Variants in CYTH1 observed in about 807,000 individuals in gnomAD.
CYTH1 encodes cytohesin 1, also known as cytohesin-1.
CYTH1 carries 18 observed loss-of-function variants against 61.8 expected under a neutral mutation model. The observed-to-expected ratio is 0.29, with a 90% CI of 0.20 to 0.43. The LOEUF (loss-of-function observed/expected upper bound fraction) is 0.43, where lower values mean the gene tolerates loss of function less well. CYTH1 is among the 20% of genes least tolerant of loss of function. CYTH1 has a pLI of 1.00. For missense variants in CYTH1, 336 were observed against 510.5 expected (o/e 0.66, Z 3.29); for synonymous variants, 174 against 184.3 (o/e 0.94, Z 0.45).
At chr17:78,781,728 C>A (rs1352301555) in intron 1 of CYTH1, among the ~76,000 whole-genome samples, 1 of 152,038 alleles carries the variant, frequency 6.6e-6, no homozygotes, top group Admixed American at 6.5e-5. Flanking sequence ...GCCATCCGCG[C>A]GTCCGCCCCG....
At chr17:78,723,805 T>C (rs2093250133) in intron 1 of CYTH1, 1 of 152,332 alleles carries the variant, frequency 6.6e-6, no homozygotes, top group Non-Finnish European at 1.5e-5. Flanking sequence ...AGACTGGATC[T>C]AGGGGGTGGA....
intron 1 of CYTH1, among the ~76,000 whole-genome samples, chr17:78,770,801 G>A (rs899436213): frequency 6.6e-5 from 10 of 152,086 alleles, no homozygotes; most frequent in African/African-American, 2.2e-4. Flanking sequence ...GTAAGGGCAC[G>A]CTTCTGAAAT....
chr17:78,732,889 C>A (rs1268505232), intron 1 of CYTH1, among the ~76,000 whole-genome samples: 2 of 151,988 alleles, frequency 1.3e-5, no homozygotes, highest in Non-Finnish European at 2.9e-5. Flanking sequence ...GAGATAGAGG[C>A]CATCCTGGCC....
chr17:78,726,943 C>T (rs1381175638), intron 1 of CYTH1, among the ~76,000 whole-genome samples: 1 of 152,242 alleles, frequency 6.6e-6, no homozygotes, highest in Admixed American at 6.5e-5. Context: ...TTATCCAGCA[C>T]TAATTCCCCA....
At chr17:78,704,712 G>C (rs2093047585) in intron 3 of CYTH1, among the ~76,000 whole-genome samples, 1 of 152,168 alleles carries the variant, frequency 6.6e-6, no homozygotes. Context: ...TGTAGAGACA[G>C]AGTCTTGCTA....
At chr17:78,688,511 C>T (rs1448584533) in intron 11 of CYTH1, among the ~76,000 whole-genome samples, 8 of 152,320 alleles carry the variant, frequency 5.3e-5, no homozygotes, top group Admixed American at 1.3e-4. Flanking sequence ...GCAACATGTG[C>T]CACCTTTTGA....
At chr17:78,685,369 T>C (rs1335020203) in intron 11 of CYTH1, among the ~76,000 whole-genome samples, 3 of 152,168 alleles carry the variant, frequency 2.0e-5, no homozygotes, top group Admixed American at 2.0e-4. Flanking sequence ...CACTTTTACA[T>C]TGTCCAGGTT....
intron 1 of CYTH1, among the ~76,000 whole-genome samples, chr17:78,733,500 G>C (rs913680174): frequency 6.6e-6 from 1 of 152,092 alleles, no homozygotes; most frequent in Admixed American, 6.6e-5. Context: ...CTTCAGCTCA[G>C]CGTTTACTGA....
chr17:78,687,813 T>A (rs2092831991), intron 11 of CYTH1, among the ~76,000 whole-genome samples: 1 of 152,200 alleles, frequency 6.6e-6, no homozygotes, highest in Non-Finnish European at 1.5e-5. Context: ...AGTACACAAG[T>A]TTCCTGACCT....
chr17:78,685,324 T>C (rs2092805781), intron 11 of CYTH1, among the ~76,000 whole-genome samples: 1 of 150,720 alleles, frequency 6.6e-6, no homozygotes, highest in African/African-American at 2.4e-5. Context: ...ATTCTTCACA[T>C]TGTTCCTCCT....
intron 1 of CYTH1, among the ~76,000 whole-genome samples, chr17:78,748,684 T>G (rs1170884771): frequency 6.6e-6 from 1 of 152,178 alleles, no homozygotes; most frequent in African/African-American, 2.4e-5. Context: ...AGGATGTTTA[T>G]GAAAGCAAAG....
chr17:78,743,597 G>T (rs2093349498), intron 1 of CYTH1, among the ~76,000 whole-genome samples: 1 of 152,174 alleles, frequency 6.6e-6, no homozygotes, highest in Admixed American at 6.6e-5. Context: ...GAACTTGTCT[G>T]GTTCCAAGCA....
chr17:78,695,290 A>G (rs1049422339), intron 10 of CYTH1, among the ~76,000 whole-genome samples: 5 of 152,196 alleles, frequency 3.3e-5, no homozygotes, highest in Non-Finnish European at 7.4e-5. Context: ...AAAACAAAAC[A>G]TAACAACAGA....
intron 1 of CYTH1, among the ~76,000 whole-genome samples, chr17:78,745,967 G>A (rs373254636): frequency 6.6e-6 from 1 of 152,110 alleles, no homozygotes; most frequent in Non-Finnish European, 1.5e-5. Flanking sequence ...TCTACCCAGC[G>A]CATGTGCCAG....
intron 10 of CYTH1, among the ~76,000 whole-genome samples, chr17:78,693,276 G>A (rs1256419364): frequency 6.6e-6 from 1 of 152,132 alleles, no homozygotes; most frequent in East Asian, 1.9e-4. Context: ...GGTGGTGGCT[G>A]GGAGGCTGGC....
intron 1 of CYTH1, among the ~76,000 whole-genome samples, chr17:78,743,767 A>G (rs2093350066): frequency 6.6e-6 from 1 of 152,224 alleles, no homozygotes; most frequent in African/African-American, 2.4e-5. Flanking sequence ...TTGCTTGCTA[A>G]CACTGAAGAT....
chr17:78,760,396 C>CAT (rs200639118), intron 1 of CYTH1, among the ~76,000 whole-genome samples: 1 of 41,772 alleles, frequency 2.4e-5, no homozygotes, highest in Non-Finnish European at 4.6e-5. Context: ...CACACACATA[C>CAT]ATATATATAT....
At chr17:78,766,523 C>T (rs1045151733) in intron 1 of CYTH1, among the ~76,000 whole-genome samples, 3 of 152,092 alleles carry the variant, frequency 2.0e-5, no homozygotes, top group African/African-American at 2.4e-5. Context: ...AAATGCTACC[C>T]GGGGGATTAA....
At chr17:78,763,134 AG>A (rs1422717345) in intron 1 of CYTH1, among the ~76,000 whole-genome samples, 1 of 152,078 alleles carries the variant, frequency 6.6e-6, no homozygotes, top group African/African-American at 2.4e-5. Flanking sequence ...ACCTGAGGTC[AG>A]GGGTTCGAGA....
Sources: allele counts gnomAD v4.1 joint callset (sites outside exome capture counted in the v4.1 genomes callset), GRCh38; gene constraint gnomAD v4.1.1; transcripts MANE v1.5; gene names NCBI Gene and HGNC (gene_info 2026-07-23, HGNC 2026-07-21).